The following RIC1 variants were observed in gnomAD, a reference collection of about 807,000 sequenced individuals.
RIC1 encodes guanine nucleotide exchange factor subunit RIC1.
Under a neutral mutation model 169.0 loss-of-function variants are expected in RIC1, and 88 were observed. The observed-to-expected ratio is 0.52, with a 90% CI of 0.44 to 0.62. The LOEUF (loss-of-function observed/expected upper bound fraction) is 0.62. Ranked by LOEUF, RIC1 falls within the 20% of genes least tolerant of loss-of-function variation. The probability of loss-of-function intolerance (pLI) is 0.00; values close to 1 mark genes in which losing one functional copy is unlikely to be tolerated. For synonymous variants in RIC1, 790 were observed against 601.5 expected, an observed-to-expected ratio of 1.31 and a Z score of -4.59; for missense variants, 1,877 against 1,725.5, an observed-to-expected ratio of 1.09 and a Z score of -1.56.
At chr9:5,677,297 ATTTG>A (rs1173596684) in intron 2 of RIC1, among the ~76,000 whole-genome samples, 2 of 151,974 alleles carry the variant, frequency 1.3e-5, no homozygotes, top group African/African-American at 4.8e-5. Context: ...CATTTTTCTC[ATTTG>A]TTTATTTGTT....
At chr9:5,699,549 A>G (rs1458638391) in intron 3 of RIC1, among the ~76,000 whole-genome samples, 1 of 152,140 alleles carries the variant, frequency 6.6e-6, no homozygotes, top group Non-Finnish European at 1.5e-5. Flanking sequence ...CTAAAATATA[A>G]AAGCAACATT....
At chr9:5,730,777 A>T (rs561712419) in intron 6 of RIC1, among the ~76,000 whole-genome samples, 13 of 152,258 alleles carry the variant, frequency 8.5e-5, no homozygotes, top group East Asian at 3.9e-4. Flanking sequence ...AGAAAAGTTT[A>T]AAAAATTTGA....
chr9:5,710,094 T>G (rs546965734), intron 3 of RIC1, among the ~76,000 whole-genome samples: 11 of 152,100 alleles, frequency 7.2e-5, no homozygotes, highest in Non-Finnish European at 4.4e-5. Flanking sequence ...GATAAATAAC[T>G]AAGGAAGAGC....
At chr9:5,714,046 G>A in intron 4 of RIC1, 43 bp downstream of exon 4, 1 of 1,264,336 alleles carries the variant, frequency 7.9e-7, no homozygotes, top group Non-Finnish European at 1.1e-6. Context: ...GATGACAGTA[G>A]ACAATGTAGT....
chr9:5,652,456 T>C (rs963970970), intron 1 of RIC1, among the ~76,000 whole-genome samples: 1 of 152,238 alleles, frequency 6.6e-6, no homozygotes, highest in Non-Finnish European at 1.5e-5. Flanking sequence ...TGGGTTTTTT[T>C]ATAGCTATTA....
intron 2 of RIC1, among the ~76,000 whole-genome samples, chr9:5,668,053 A>T (rs1819884068): frequency 6.6e-6 from 1 of 152,322 alleles, no homozygotes; most frequent in African/African-American, 2.4e-5. Context: ...AATTACAATC[A>T]TGGCAGCAGG....
intron 1 of RIC1, among the ~76,000 whole-genome samples, chr9:5,647,205 G>A (rs935727623): frequency 2.0e-5 from 3 of 152,126 alleles, no homozygotes; most frequent in Non-Finnish European, 4.4e-5. Context: ...ACAGTATTTT[G>A]ATTGCTGTAG....
intron 2 of RIC1, among the ~76,000 whole-genome samples, chr9:5,658,285 A>G (rs1040419878): frequency 2.6e-5 from 4 of 152,154 alleles, no homozygotes; most frequent in African/African-American, 9.6e-5. Context: ...CCAAAAGAAT[A>G]TAAGCTGACA....
chr9:5,765,984 C>T (rs754241), intron 21 of RIC1, among the ~76,000 whole-genome samples, 186 bp downstream of exon 21: 62,668 of 151,972 alleles, frequency 0.41, 13,411 homozygotes, highest in East Asian at 0.59. Flanking sequence ...TTCACTTCAG[C>T]ACCCTCTGAA....
At position 5,769,236 on chromosome 9, in the gene RIC1, A is replaced by C; in HGVS notation, c.3404A>C (p.Lys1135Thr). 1 of 1,614,154 alleles carries C rather than the reference A, an allele frequency of 6.2e-7. No homozygotes were observed. The highest frequency in any genetic ancestry group is 8.5e-7 in the Non-Finnish European group (1 of 1,179,992). Residue 1135 changes from lysine (K) to threonine (T), a missense_variant, in exon 22 of 26, where the codon AAA becomes ACA. Physicochemically the swap from Lys to Thr is moderately conservative, Grantham distance 78. Coordinates refer to ENST00000414202, the MANE Select transcript of RIC1 (RefSeq NM_020829.4). ...GCCTCTTCTATCAGTTCTCCTTTCA[A>C]AAATGGAAAATACCGAACTGGTAAT... ...IPASSISSPFKNGKYRTVGEQ... is the reference protein window; with the variant it reads ...IPASSISSPFTNGKYRTVGEQ...
intron 1 of RIC1, among the ~76,000 whole-genome samples, chr9:5,640,875 G>T (rs193124206): frequency 6.6e-6 from 1 of 151,908 alleles, no homozygotes; most frequent in African/African-American, 2.4e-5. Flanking sequence ...ACTGTTCTAA[G>T]GTAAATGCTT....
intron 2 of RIC1, among the ~76,000 whole-genome samples, chr9:5,685,917 A>G (rs1354336572): frequency 1.3e-5 from 2 of 150,250 alleles, no homozygotes; most frequent in Admixed American, 6.7e-5. Context: ...AATGAACTCA[A>G]ACAAATTTAC....
chr9:5,765,423 G>C lies in RIC1; in HGVS notation c.2851G>C (p.Val951Leu), dbSNP rs763887936. The stretch of plus-strand genomic sequence containing the variant: ...TGGTTGTTTTTTGTAGAATATGGAA[G>C]TCCCTGCAGTAAGTAGGCAACATGC... Reference protein sequence around the residue: ...SYLIILQNMEVPAVSRQHATL... With the variant: ...SYLIILQNMELPAVSRQHATL... The change falls in exon 20 of 26, where the codon GTC (valine) becomes CTC (leucine). Residue 951 changes from valine to leucine, a missense_variant. Around this residue, in one of 3 missense-constraint regions of RIC1, gnomAD observed 681 missense variants for 582.0 expected, o/e 1.17. Transcript: ENST00000414202. 7.4e-6 allele frequency: 12 copies of C among 1,612,952 alleles called. No individual in the cohort carries two copies. The highest frequency in any genetic ancestry group is 1.0e-5 in the Non-Finnish European group (12 of 1,179,634).
intron 13 of RIC1, 132 bp downstream of exon 13, chr9:5,753,370 T>C: frequency 2.3e-6 from 2 of 869,690 alleles, no homozygotes; most frequent in Middle Eastern, 2.2e-4. Context: ...TGCTAGTATA[T>C]TAACATCTAT....
intron 16 of RIC1, 69 bp from the exon 17 acceptor site, chr9:5,757,244 C>G: frequency 6.6e-7 from 1 of 1,517,696 alleles, no homozygotes; most frequent in South Asian, 1.1e-5. Flanking sequence ...AATACTATTA[C>G]TAGTGGAAAA....
At chr9:5,722,348 A>AGAGTGT (rs374028302) in intron 6 of RIC1, among the ~76,000 whole-genome samples, 1,413 of 131,286 alleles carry the variant, frequency 0.011, 25 homozygotes, top group African/African-American at 0.038. Context: ...AGAGAGAGAG[A>AGAGTGT]GTGTGTGTGT....
At chr9:5,755,354 A>G (rs906713703) in intron 15 of RIC1, among the ~76,000 whole-genome samples, 2 of 152,242 alleles carry the variant, frequency 1.3e-5, no homozygotes, top group Admixed American at 1.3e-4. Flanking sequence ...ATATAGCACT[A>G]TCTTTTTTCC....
chr9:5,660,498 A>C (rs1025850367), intron 2 of RIC1, among the ~76,000 whole-genome samples: 3 of 152,176 alleles, frequency 2.0e-5, no homozygotes, highest in Admixed American at 1.3e-4. Context: ...TTTTCTCCAC[A>C]ACCTAACCAG....
At chr9:5,650,776 A>G (rs1335692862) in intron 1 of RIC1, among the ~76,000 whole-genome samples, 3 of 152,078 alleles carry the variant, frequency 2.0e-5, no homozygotes, top group Admixed American at 6.5e-5. Flanking sequence ...CCTCCCCAGT[A>G]TACCCTCCCC....
Sources: allele counts gnomAD v4.1 joint callset (sites outside exome capture counted in the v4.1 genomes callset), GRCh38; gene constraint gnomAD v4.1.1; regional missense constraint gnomAD v4.1.1; transcripts MANE v1.5; gene names NCBI Gene and HGNC (gene_info 2026-07-23, HGNC 2026-07-21).